Variants in RAP1A observed in about 807,000 individuals in gnomAD.
RAP1A encodes the protein RAP1A, member of RAS oncogene family.
Under a neutral mutation model 26.4 loss-of-function variants are expected in RAP1A, and 6 were observed. The observed-to-expected ratio is 0.23, with a 90% CI of 0.12 to 0.45. The LOEUF is 0.45. Ranked by LOEUF, RAP1A falls within the 20% of genes least tolerant of loss-of-function variation. RAP1A has a pLI of 0.99. For missense variants in RAP1A, 121 were observed against 217.2 expected (o/e 0.56, Z 2.78); for synonymous variants, 73 against 79.4 (o/e 0.92, Z 0.43).
intron 1 of RAP1A, among the ~76,000 whole-genome samples, chr1:111,551,421 T>C (rs1164861157): frequency 6.6e-6 from 1 of 152,226 alleles, no homozygotes; most frequent in Non-Finnish European, 1.5e-5. Flanking sequence ...GCTATTTTCT[T>C]GGCAATTTCC....
In RAP1A at chr1:111,578,680, C is replaced by T. The variant is rs143503941; in HGVS notation, c.-28+36171C>T. 8.3e-3 allele frequency among the ~76,000 whole-genome samples: 1,260 copies of T among 151,634 alleles called. 15 individuals are homozygous for T. Among genetic ancestry groups the T allele is most frequent in the African/African-American group, 0.029 (1,186 of 41,334 alleles). ...CTTAGACCAGATGTGTGTTTTTCCC[C>T]GTACACCAAGCAATTCTCCAGCAGA... On this transcript the variant is annotated intron_variant, in intron 1 of 7. Coordinates refer to the RAP1A transcript ENST00000356415.
intron 1 of RAP1A, among the ~76,000 whole-genome samples, chr1:111,594,419 G>T (rs970891067): frequency 6.6e-6 from 1 of 152,174 alleles, no homozygotes; most frequent in Non-Finnish European, 1.5e-5. Context: ...GGCCAAGGCT[G>T]CAGTGAGCCG....
At chr1:111,599,635 C>G (rs184577160) in intron 1 of RAP1A, 2 of 152,262 alleles carry the variant, frequency 1.3e-5, no homozygotes, top group Admixed American at 1.3e-4. Flanking sequence ...GTGACCAGGC[C>G]CCATCCTGAA....
At chr1:111,700,655 A>C (rs1468798512) in intron 4 of RAP1A, among the ~76,000 whole-genome samples, 1 of 152,122 alleles carries the variant, frequency 6.6e-6, no homozygotes, top group East Asian at 1.9e-4. Flanking sequence ...CTGCCTCTTC[A>C]ATATCTCTTT....
At chr1:111,662,957 C>T (rs1255384954) in intron 1 of RAP1A, among the ~76,000 whole-genome samples, 1 of 152,140 alleles carries the variant, frequency 6.6e-6, no homozygotes, top group African/African-American at 2.4e-5. Context: ...GCTCTGTCGC[C>T]AGGCTGGAGC....
chr1:111,637,074 A>C (rs986910903), intron 1 of RAP1A, among the ~76,000 whole-genome samples: 1 of 152,158 alleles, frequency 6.6e-6, no homozygotes, highest in African/African-American at 2.4e-5. Flanking sequence ...TGATCCTCAG[A>C]TGATTCTGAT....
chr1:111,688,295 G>A (rs4839161), intron 1 of RAP1A, among the ~76,000 whole-genome samples: 26 of 92,802 alleles, frequency 2.8e-4, no homozygotes, highest in South Asian at 1.7e-3. Context: ...GTGTGTGTGT[G>A]TGTGTATATA....
intron 1 of RAP1A, among the ~76,000 whole-genome samples, chr1:111,543,421 C>T (rs978428377): frequency 6.6e-5 from 10 of 152,162 alleles, no homozygotes; most frequent in African/African-American, 9.7e-5. Context: ...CCCGTCTATT[C>T]GCCACTCAGC....
chr1:111,593,448 T>C (rs1381006817), intron 1 of RAP1A, among the ~76,000 whole-genome samples: 1 of 152,112 alleles, frequency 6.6e-6, no homozygotes, highest in Non-Finnish European at 1.5e-5. Flanking sequence ...ATGCATCCTT[T>C]TTTCAAAACC....
chr1:111,699,109 T>C (rs1557897020), intron 4 of RAP1A, among the ~76,000 whole-genome samples: 1 of 152,176 alleles, frequency 6.6e-6, no homozygotes, highest in African/African-American at 2.4e-5. Flanking sequence ...CCTATTTGCT[T>C]GTTTGTGTCC....
At chr1:111,571,250 G>T (rs527997540) in intron 1 of RAP1A, among the ~76,000 whole-genome samples, 1 of 152,310 alleles carries the variant, frequency 6.6e-6, no homozygotes, top group African/African-American at 2.4e-5. Context: ...GGCAGGGCAC[G>T]CAAAGTTTCC....
chr1:111,586,374 A>G (rs925953562), intron 1 of RAP1A, among the ~76,000 whole-genome samples: 2 of 152,198 alleles, frequency 1.3e-5, no homozygotes, highest in Non-Finnish European at 2.9e-5. Flanking sequence ...AGAGATGTCA[A>G]AAAACAACCA....
intron 1 of RAP1A, chr1:111,648,480 G>C: frequency 1.8e-6 from 1 of 546,952 alleles, no homozygotes; most frequent in Non-Finnish European, 3.4e-6. Context: ...TTGATATTCA[G>C]CAGGGCCTCG....
At chr1:111,626,963 A>G (rs1296072954) in intron 1 of RAP1A, among the ~76,000 whole-genome samples, 1 of 152,242 alleles carries the variant, frequency 6.6e-6, no homozygotes, top group Admixed American at 6.5e-5. Context: ...AGCTGGAAAC[A>G]AGCTGCTGGG....
intron 1 of RAP1A, among the ~76,000 whole-genome samples, chr1:111,560,163 A>G (rs1306084071): frequency 6.6e-6 from 1 of 152,230 alleles, no homozygotes; most frequent in African/African-American, 2.4e-5. Flanking sequence ...TTCTCTTAGC[A>G]TACTTATCTA....
chr1:111,661,425 C>T (rs2101157867), intron 1 of RAP1A, among the ~76,000 whole-genome samples: 1 of 152,220 alleles, frequency 6.6e-6, no homozygotes, highest in East Asian at 1.9e-4. Flanking sequence ...GATGGCCATA[C>T]AAAAAGAATG....
intron 1 of RAP1A, among the ~76,000 whole-genome samples, chr1:111,621,940 T>G (rs1353666961): frequency 6.6e-6 from 1 of 152,156 alleles, no homozygotes; most frequent in East Asian, 1.9e-4. Flanking sequence ...ACAGGTATAT[T>G]CATATACGTT....
intron 1 of RAP1A, among the ~76,000 whole-genome samples, chr1:111,688,737 C>CT (rs1314027852): frequency 6.8e-6 from 1 of 146,408 alleles, no homozygotes; most frequent in Non-Finnish European, 1.5e-5. Flanking sequence ...TTGTGGTTTT[C>CT]TTTGTGTTTA....
At position 111,586,457 on chromosome 1, in the gene RAP1A, C is replaced by T. The variant is rs756783972; in HGVS notation, c.-28+43948C>T. 5.9e-5 allele frequency among the ~76,000 whole-genome samples: 9 copies of T among 152,142 alleles called. 1 individual carries two copies. Among genetic ancestry groups the T allele is most frequent in the Middle Eastern group, 6.3e-3 (2 of 316 alleles). ...AACTGGCCATGCATGGTGGCATGCA[C>T]CTGTAATCCCAGCTACTCAGGAGGC... On this transcript the variant is annotated intron_variant, in intron 1 of 7. Coordinates refer to the RAP1A transcript ENST00000356415.
Sources: allele counts gnomAD v4.1 joint callset (sites outside exome capture counted in the v4.1 genomes callset), GRCh38; gene constraint gnomAD v4.1.1; transcripts MANE v1.5; gene names NCBI Gene and HGNC (gene_info 2026-07-23, HGNC 2026-07-21).